The following CNTNAP5 variants were observed in gnomAD, a reference collection of about 807,000 sequenced individuals.
CNTNAP5 encodes contactin associated protein family member 5, also known as contactin-associated protein-like 5.
In CNTNAP5, 72 loss-of-function variants were observed where a neutral mutation model predicts 150.2. The ratio of observed to expected loss-of-function variants is 0.48; its 90% confidence interval spans 0.40 to 0.58. CNTNAP5 has a LOEUF of 0.58. Ranked by LOEUF, CNTNAP5 falls within the 20% of genes least tolerant of loss-of-function variation. The pLI, the probability that CNTNAP5 is intolerant of heterozygous loss-of-function variation, is 0.00. For missense variants in CNTNAP5, 1,636 were observed against 1,626.2 expected (o/e 1.01, Z -0.10); for synonymous variants, 672 against 619.8 (o/e 1.08, Z -1.25).
intron 5 of CNTNAP5, among the ~76,000 whole-genome samples, chr2:124,438,178 CCTA>C (rs1008317235): frequency 1.3e-5 from 2 of 152,064 alleles, no homozygotes; most frequent in Admixed American, 6.5e-5. Context: ...TTCCTCTTTG[CCTA>C]CTTTCTTAAA....
intron 4 of CNTNAP5, among the ~76,000 whole-genome samples, chr2:124,431,509 A>G (rs188009311): frequency 1.0e-3 from 58 of 57,628 alleles, no homozygotes; most frequent in Middle Eastern, 8.5e-3. Context: ...AGTGTCAAAG[A>G]TATATATATA....
chr2:124,890,278 C>T (rs540161937), intron 21 of CNTNAP5, among the ~76,000 whole-genome samples: 9 of 152,122 alleles, frequency 5.9e-5, no homozygotes, highest in East Asian at 3.9e-4. Context: ...TATGGCAATC[C>T]GGAAGTGCCC....
At chr2:124,194,722 TA>T in intron 1 of CNTNAP5, among the ~76,000 whole-genome samples, 1 of 150,662 alleles carries the variant, frequency 6.6e-6, no homozygotes, top group Non-Finnish European at 1.5e-5. Context: ...ATTTTATATA[TA>T]ACCTTATATA....
chr2:124,480,052 T>C (rs913951171), intron 7 of CNTNAP5, among the ~76,000 whole-genome samples: 2 of 152,206 alleles, frequency 1.3e-5, no homozygotes, highest in African/African-American at 2.4e-5. Context: ...TTATTTGCCA[T>C]TTTAGATAGC....
chr2:124,438,022 T>C (rs1692578010), intron 5 of CNTNAP5, among the ~76,000 whole-genome samples: 1 of 152,162 alleles, frequency 6.6e-6, no homozygotes, highest in Non-Finnish European at 1.5e-5. Flanking sequence ...CTGCTCAGGA[T>C]GGCACTGGGG....
chr2:124,286,103 G>A (rs775447728), intron 3 of CNTNAP5, among the ~76,000 whole-genome samples: 1 of 152,086 alleles, frequency 6.6e-6, no homozygotes, highest in Non-Finnish European at 1.5e-5. Flanking sequence ...ACTAAACTAG[G>A]TATTTGAATC....
chr2:124,582,690 A>G (rs955542651), intron 11 of CNTNAP5, among the ~76,000 whole-genome samples: 2 of 151,798 alleles, frequency 1.3e-5, no homozygotes, highest in Non-Finnish European at 2.9e-5. Context: ...AATCCATGAA[A>G]GTTTTTTTTT....
At chr2:124,116,127 T>C (rs1019631928) in intron 1 of CNTNAP5, among the ~76,000 whole-genome samples, 9 of 152,134 alleles carry the variant, frequency 5.9e-5, no homozygotes, top group Non-Finnish European at 1.3e-4. Context: ...GTTCTTTAGG[T>C]ATAAACAAGG....
intron 19 of CNTNAP5, among the ~76,000 whole-genome samples, chr2:124,838,569 T>TA (rs1389225502): frequency 6.6e-6 from 1 of 152,172 alleles, no homozygotes; most frequent in South Asian, 2.1e-4. Context: ...GCAACATTCC[T>TA]AACTTACTAT....
At position 124,792,250 on chromosome 2, in the gene CNTNAP5, C is replaced by T. The variant is rs549604629; in HGVS notation, c.2992+2109C>T. Among the ~76,000 whole-genome samples the T allele has an allele frequency of 2.6e-5, 4 of 152,142 alleles. 1 individual carries two copies. Among genetic ancestry groups the T allele is most frequent in the African/African-American group, 9.6e-5 (4 of 41,498 alleles). The stretch of plus-strand genomic sequence containing the variant: ...CGTTTCTCATAATGATACGAAGAAG[C>T]AATCATCATAAAAAATAAACTAGTA... On this transcript the variant is annotated intron_variant, in intron 18 of 23. Transcript: ENST00000682447.
At chr2:124,797,991 C>A in intron 18 of CNTNAP5, 105 bp from the exon 19 acceptor site, 1 of 726,012 alleles carries the variant, frequency 1.4e-6, no homozygotes. Flanking sequence ...ATGTATTACT[C>A]CTCACACAGT....
rs3036301 is a variant in CNTNAP5, at chr2:124,042,783, CATCTATCTATCT to C, written c.82+17087_82+17098del. Among the ~76,000 whole-genome samples the C allele has an allele frequency of 6.5e-3, 957 of 148,230 alleles. 3 individuals are homozygous for C. The highest frequency in any genetic ancestry group is 0.02 in the African/African-American group (809 of 40,118). On this transcript the variant is annotated intron_variant, in intron 1 of 23. Coordinates refer to ENST00000682447, the MANE Select transcript of CNTNAP5 (RefSeq NM_001367498.1). ...CTCTTGCATAAGCGTAACTCTCTAT[CATCTATCTATCT>C]ATCTATCTATCTATCTATCTATCTA...
chr2:124,104,397 C>T lies in CNTNAP5; in HGVS notation c.82+78665C>T, dbSNP rs149967513. 2.5e-3 allele frequency among the ~76,000 whole-genome samples: 381 copies of T among 152,194 alleles called. 5 individuals carry two copies. The South Asian group carries it at 0.03, about 12-fold the overall frequency. The stretch of plus-strand genomic sequence containing the variant: ...TTTTGAATTTCCACTCACTCTTGAA[C>T]ATGTAGACACACATCTATTCTAGAC... On this transcript the variant is annotated intron_variant, in intron 1 of 23. Transcript: ENST00000682447.
intron 11 of CNTNAP5, among the ~76,000 whole-genome samples, chr2:124,593,898 AT>A (rs1243450999): frequency 1.3e-5 from 1 of 76,844 alleles, no homozygotes; most frequent in Non-Finnish European, 2.5e-5. Flanking sequence ...GATGATGAGC[AT>A]TTTTTCATGT....
Position 124,055,023 on chromosome 2 carries a change from C to T in CNTNAP5, c.82+29291C>T, listed in dbSNP as rs183434502. 3.9e-3 allele frequency among the ~76,000 whole-genome samples: 596 copies of T among 152,256 alleles called. 4 individuals carry two copies. Among genetic ancestry groups the T allele is most frequent in the Non-Finnish European group, 6.2e-3 (419 of 68,022 alleles). ...AGTCTGGGCTCTCACCCCTCTGCTT[C>T]CTATCTGAGTTTCCTTAGCCAAAAT... On this transcript the variant is annotated intron_variant, in intron 1 of 23. Coordinates refer to ENST00000682447, the MANE Select transcript of CNTNAP5 (RefSeq NM_001367498.1).
At chr2:124,081,122 T>C (rs1682551535) in intron 1 of CNTNAP5, among the ~76,000 whole-genome samples, 1 of 152,214 alleles carries the variant, frequency 6.6e-6, no homozygotes, top group Non-Finnish European at 1.5e-5. Flanking sequence ...ATGGAGAGTA[T>C]ATATGCCTTA....
rs142336099 is a variant in CNTNAP5 at position 124,113,374 on chromosome 2, T to C, written c.82+87642T>C. On this transcript the variant is annotated intron_variant, in intron 1 of 23. Coordinates refer to ENST00000682447, the MANE Select transcript of CNTNAP5 (RefSeq NM_001367498.1). ...GAAAACGTTAAAAAATTCTTTATTG[T>C]ACAAATTTAAATAGAAGTACTCTAT... Among the ~76,000 whole-genome samples the C allele has an allele frequency of 1.5e-3, 231 of 152,236 alleles. 6 individuals are homozygous for C. In the East Asian group the frequency reaches 0.038, roughly 25 times the overall value.
intron 14 of CNTNAP5, among the ~76,000 whole-genome samples, chr2:124,757,899 T>C (rs1406610164): frequency 1.3e-5 from 2 of 152,228 alleles, no homozygotes; most frequent in African/African-American, 4.8e-5. Context: ...AGAATTTTAT[T>C]GTCCACTTTA....
chr2:124,674,548 T>TTTC, intron 13 of CNTNAP5, among the ~76,000 whole-genome samples: 1 of 147,680 alleles, frequency 6.8e-6, no homozygotes, highest in African/African-American at 2.5e-5. Flanking sequence ...TCTTTCTTTC[T>TTTC]TTCTTCCTTT....
Sources: allele counts gnomAD v4.1 joint callset (sites outside exome capture counted in the v4.1 genomes callset), GRCh38; gene constraint gnomAD v4.1.1; transcripts MANE v1.5; gene names NCBI Gene and HGNC (gene_info 2026-07-23, HGNC 2026-07-21).